GAREM1: variants seen among roughly 807,000 people sequenced by gnomAD.
GAREM1 encodes GRB2-associated and regulator of MAPK protein 1.
Under a neutral mutation model 71.3 loss-of-function variants are expected in GAREM1, and 26 were observed. The ratio of observed to expected loss-of-function variants is 0.36; its 90% CI spans 0.27 to 0.51. The LOEUF (loss-of-function observed/expected upper bound fraction) is 0.51, where lower values mean the gene tolerates loss of function less well. GAREM1 is among the 20% of genes least tolerant of loss of function. GAREM1 has a pLI of 0.95. For synonymous variants in GAREM1, 440 were observed against 433.2 expected (o/e 1.02, Z -0.20); for missense variants, 1,026 against 1,103.1 (o/e 0.93, Z 0.99).
chr18:32,359,448 A>G (rs1043544128), intron 2 of GAREM1, among the ~76,000 whole-genome samples: 1 of 152,160 alleles, frequency 6.6e-6, no homozygotes, highest in Non-Finnish European at 1.5e-5. Context: ...TTATAATAAA[A>G]ATTCAGTTTA....
chr18:32,324,638 T>C (rs772172782), intron 2 of GAREM1, among the ~76,000 whole-genome samples: 21 of 152,294 alleles, frequency 1.4e-4, no homozygotes, highest in Non-Finnish European at 2.5e-4. Context: ...CCACGCCAGC[T>C]TGCGCATTGA....
At chr18:32,332,568 A>G (rs779225760) in intron 2 of GAREM1, among the ~76,000 whole-genome samples, 7 of 151,976 alleles carry the variant, frequency 4.6e-5, no homozygotes, top group Non-Finnish European at 8.8e-5. Context: ...CAGCTGGACA[A>G]GGAGGGCTGT....
intron 2 of GAREM1, among the ~76,000 whole-genome samples, chr18:32,341,170 A>T (rs993120118): frequency 9.2e-5 from 14 of 151,678 alleles, no homozygotes; most frequent in African/African-American, 3.2e-4. Context: ...GATGTTCCCC[A>T]CCCTGTGTCC....
chr18:32,393,179 TG>T (rs878959353), intron 1 of GAREM1, 144 bp from the exon 2 acceptor site: 60 of 692,738 alleles, frequency 8.7e-5, no homozygotes, highest in Admixed American at 1.3e-4. Context: ...ACCTCTGAAT[TG>T]TTTTTTTTTT....
chr18:32,338,521 TGTA>T (rs2047618693), intron 2 of GAREM1, among the ~76,000 whole-genome samples: 1 of 152,218 alleles, frequency 6.6e-6, no homozygotes. Context: ...TTTTTAGTTT[TGTA>T]ATACAAACTG....
intron 2 of GAREM1, among the ~76,000 whole-genome samples, chr18:32,389,652 T>C (rs890163846): frequency 2.0e-5 from 3 of 152,158 alleles, no homozygotes; most frequent in African/African-American, 2.4e-5. Flanking sequence ...TTCTGAAAAA[T>C]TGGTAAAATA....
rs573430983 is a variant in GAREM1, at chr18:32,341,239, C to T, written c.263-30916G>A. On this transcript the variant is annotated intron_variant, in intron 2 of 5. Transcript: ENST00000269209. ...TGAGAGCATGCAGTGTTTGGTTTTC[C>T]ATCCTTGCGATAGTTTGCTGAGAAT... is the stretch of plus-strand genomic sequence containing the variant. 3.9e-5 allele frequency among the ~76,000 whole-genome samples: 6 copies of T among 152,208 alleles called. No homozygotes were observed. The East Asian group carries it at 7.7e-4, about 20-fold the overall frequency.
rs79726159 is a variant in GAREM1, at chr18:32,317,694, C to CTT, written c.263-7373_263-7372dup. 1.2e-3 allele frequency among the ~76,000 whole-genome samples: 161 copies of CTT among 131,156 alleles called. 1 individual carries two copies. The highest frequency in any genetic ancestry group is 2.4e-3 in the African/African-American group (87 of 35,614). The allele number at this position is 131,156 out of a possible 152,430, so 86.0% of individuals were successfully genotyped here. A position where few individuals can be genotyped will look rare whatever the true frequency, so the allele number is the denominator to read the frequency against. On this transcript the variant is annotated intron_variant, in intron 2 of 5. Transcript: ENST00000269209. ...TCTATGAACTTTTATTTCGCTGTTG[C>CTT]TTTTTTTTTTTTTTTTTAAAGAATG...
chr18:32,418,617 C>T (rs115133206), intron 1 of GAREM1, among the ~76,000 whole-genome samples: 2,382 of 152,226 alleles, frequency 0.016, 74 homozygotes, highest in African/African-American at 0.055. Flanking sequence ...AACTGAGAGG[C>T]TAAGGCCTTT....
At chr18:32,293,144 GACACACACACACACACAGAC>G (rs1279721857) in intron 3 of GAREM1, among the ~76,000 whole-genome samples, 1 of 150,448 alleles carries the variant, frequency 6.6e-6, no homozygotes, top group Non-Finnish European at 1.5e-5. Flanking sequence ...TAGACACACA[GACACACACACACACACAGAC>G]ACACACACAC....
At chr18:32,398,766 G>A (rs2048282815) in intron 1 of GAREM1, among the ~76,000 whole-genome samples, 1 of 152,102 alleles carries the variant, frequency 6.6e-6, no homozygotes, top group South Asian at 2.1e-4. Flanking sequence ...CATTCCTTCT[G>A]AAACTATTCC....
chr18:32,295,704 G>A (rs1298174506), intron 3 of GAREM1, among the ~76,000 whole-genome samples: 1 of 152,184 alleles, frequency 6.6e-6, no homozygotes, highest in Non-Finnish European at 1.5e-5. Context: ...CAGCTTTGTT[G>A]TTTCCAATAG....
chr18:32,418,925 T>G (rs765952784), intron 1 of GAREM1, among the ~76,000 whole-genome samples: 1 of 152,196 alleles, frequency 6.6e-6, no homozygotes, highest in Non-Finnish European at 1.5e-5. Flanking sequence ...GCAGCTTAAA[T>G]ATAGTCAGAC....
intron 2 of GAREM1, among the ~76,000 whole-genome samples, chr18:32,390,582 A>G (rs1350129007): frequency 1.3e-5 from 2 of 152,190 alleles, no homozygotes; most frequent in Admixed American, 6.5e-5. Flanking sequence ...TTTCATTTTT[A>G]AAAATGTATC....
intron 1 of GAREM1, among the ~76,000 whole-genome samples, chr18:32,398,722 G>T (rs929685505): frequency 6.6e-6 from 1 of 152,060 alleles, no homozygotes; most frequent in African/African-American, 2.4e-5. Context: ...ATTCACAGCT[G>T]AATTCTACCA....
At chr18:32,276,021 A>G (rs2041537767) in intron 4 of GAREM1, among the ~76,000 whole-genome samples, 2 of 152,206 alleles carry the variant, frequency 1.3e-5, no homozygotes, top group Admixed American at 1.3e-4. Flanking sequence ...ATTATCATCA[A>G]ACATGAGACA....
intron 1 of GAREM1, among the ~76,000 whole-genome samples, chr18:32,459,550 C>T (rs574315273): frequency 6.6e-6 from 1 of 152,104 alleles, no homozygotes. Context: ...GTAATCTGAA[C>T]CTCCTAAAGT....
chr18:32,334,238 G>A (rs975942677), intron 2 of GAREM1, among the ~76,000 whole-genome samples: 1 of 152,022 alleles, frequency 6.6e-6, no homozygotes, highest in African/African-American at 2.4e-5. Flanking sequence ...ACCCCGAGGG[G>A]GGCACATTTT....
At chr18:32,369,446 T>A (rs2047956157) in intron 2 of GAREM1, among the ~76,000 whole-genome samples, 1 of 152,188 alleles carries the variant, frequency 6.6e-6, no homozygotes, top group Admixed American at 6.5e-5. Context: ...ACATTTTATA[T>A]GGTTATGTTT....
Sources: allele counts gnomAD v4.1 joint callset (sites outside exome capture counted in the v4.1 genomes callset), GRCh38; gene constraint gnomAD v4.1.1; transcripts MANE v1.5; gene names NCBI Gene and HGNC (gene_info 2026-07-23, HGNC 2026-07-21).